TTLL7: variants seen among roughly 807,000 people sequenced by gnomAD.
TTLL7 encodes tubulin polyglutamylase TTLL7.
In TTLL7, 53 loss-of-function variants were observed where a neutral mutation model predicts 120.2. The observed-to-expected ratio is 0.44, with a 90% CI of 0.35 to 0.55. TTLL7 has a LOEUF of 0.55. Among genes scored for constraint, TTLL7 ranks in the 20% least tolerant of loss-of-function variants. TTLL7 has a pLI of 0.00. For missense variants in TTLL7, 803 were observed against 1,054.7 expected, an observed-to-expected ratio of 0.76 and a Z score of 3.31; for synonymous variants, 353 against 351.7, an observed-to-expected ratio of 1.00 and a Z score of -0.04.
rs564236073 is a variant in TTLL7 at position 83,865,435 on chromosome 1, T to C, written c.*4527A>G. The C allele has an allele frequency of 3.3e-5, 5 of 152,148 alleles. No individual in the cohort carries two copies. The highest frequency in any genetic ancestry group is 1.9e-4 in the East Asian group (1 of 5,184). 9.4% of individuals were successfully genotyped at this position (152,148 alleles called of 1,614,324 possible). A position where few individuals can be genotyped will look rare whatever the true frequency, so the allele number is the denominator to read the frequency against. ...AGCCTTATTACTAATTTAGGAACTA[T>C]TGGTCCATTGATTGTACCTGTAGAT... On this transcript the variant is annotated 3_prime_UTR_variant, in exon 21 of 21. Transcript: ENST00000260505.
intron 1 of TTLL7, among the ~76,000 whole-genome samples, chr1:83,957,854 T>C (rs1308424068): frequency 2.0e-5 from 3 of 152,214 alleles, no homozygotes; most frequent in Non-Finnish European, 2.9e-5. Context: ...AGGAACCTAA[T>C]TGTCTTGAGC....
At chr1:83,972,700 G>A (rs1651100094) in intron 1 of TTLL7, among the ~76,000 whole-genome samples, 1 of 152,100 alleles carries the variant, frequency 6.6e-6, no homozygotes, top group Admixed American at 6.6e-5. Flanking sequence ...AGCAATGAAT[G>A]AGAGCTCTTC....
Position 83,867,536 on chromosome 1 carries a change from G to C in TTLL7, c.*2426C>G, listed in dbSNP as rs962599477. On this transcript the variant is annotated 3_prime_UTR_variant, in exon 21 of 21. Transcript: ENST00000260505. ...AATTTACTCAGTTTTTAAATTGTGTGTGTGTGTGTGTGTGTGTTTTCTGTG... is the reference window on the plus strand; with the variant it reads ...AATTTACTCAGTTTTTAAATTGTGTCTGTGTGTGTGTGTGTGTTTTCTGTG... 4 of 151,780 alleles carry C rather than the reference G, an allele frequency of 2.6e-5. No homozygotes were observed. Among genetic ancestry groups the C allele is most frequent in the African/African-American group, 9.7e-5 (4 of 41,370 alleles). The allele number at this position is 151,780 out of a possible 1,614,324, so 9.4% of individuals were successfully genotyped here.
chr1:83,985,258 C>T (rs1178710163), intron 1 of TTLL7, among the ~76,000 whole-genome samples: 1 of 152,172 alleles, frequency 6.6e-6, no homozygotes, highest in Non-Finnish European at 1.5e-5. Context: ...GTGCAAGTCC[C>T]AGAGTCCAAA....
chr1:83,929,329 A>G (rs1659393168), intron 9 of TTLL7, 99 bp from the exon 10 acceptor site: 1 of 793,654 alleles, frequency 1.3e-6, no homozygotes, highest in East Asian at 2.9e-5. Flanking sequence ...ACAACTCTAC[A>G]TTAAACCTCA....
intron 1 of TTLL7, among the ~76,000 whole-genome samples, chr1:83,993,885 A>T (rs1571420892): frequency 6.6e-6 from 1 of 152,262 alleles, no homozygotes; most frequent in East Asian, 1.9e-4. Context: ...AATAGGAAAT[A>T]ACAGAAATAA....
chr1:83,973,479 G>T (rs1651181097), intron 1 of TTLL7, among the ~76,000 whole-genome samples: 1 of 151,960 alleles, frequency 6.6e-6, no homozygotes, highest in Non-Finnish European at 1.5e-5. Context: ...TAGTTTTATA[G>T]TAAGTCTTAA....
intron 20 of TTLL7, among the ~76,000 whole-genome samples, chr1:83,877,036 G>A (rs1285882792): frequency 1.3e-5 from 2 of 151,908 alleles, no homozygotes; most frequent in Admixed American, 6.6e-5. Flanking sequence ...GTTTTTCTTA[G>A]TTATCCTCAT....
chr1:83,976,055 GT>G (rs1651451630), intron 1 of TTLL7, among the ~76,000 whole-genome samples: 1 of 150,654 alleles, frequency 6.6e-6, no homozygotes, highest in African/African-American at 2.5e-5. Context: ...GTGTGTGTGT[GT>G]GTGTGTGTGT....
At chr1:83,932,604 A>G (rs1659693974) in intron 9 of TTLL7, among the ~76,000 whole-genome samples, 1 of 151,944 alleles carries the variant, frequency 6.6e-6, no homozygotes, top group South Asian at 2.1e-4. Flanking sequence ...TTGGCCCTCA[A>G]ATTAGAAAAG....
At chr1:83,938,317 TA>T (rs1647610382) in intron 7 of TTLL7, among the ~76,000 whole-genome samples, 1 of 152,220 alleles carries the variant, frequency 6.6e-6, no homozygotes, top group African/African-American at 2.4e-5. Flanking sequence ...TACATATTGC[TA>T]AGCAAGAAAA....
At chr1:83,978,386 C>T (rs976729244) in intron 1 of TTLL7, among the ~76,000 whole-genome samples, 1 of 152,056 alleles carries the variant, frequency 6.6e-6, no homozygotes, top group African/African-American at 2.4e-5. Flanking sequence ...GGACCCTTAA[C>T]CAGAACCCTA....
At chr1:83,958,240 A>G (rs1038666966) in intron 1 of TTLL7, among the ~76,000 whole-genome samples, 1 of 152,220 alleles carries the variant, frequency 6.6e-6, no homozygotes, top group African/African-American at 2.4e-5. Context: ...GATATAATGA[A>G]CAATGATATT....
rs558256590 is a variant in TTLL7, at chr1:83,892,428, A to G, written c.2209-1947T>C. On this transcript the variant is annotated intron_variant, in intron 18 of 20. Transcript: ENST00000260505. ...AACATATATATGAACATATATATGAACATATATATGAACATATGAATGAAC... is the reference window on the plus strand; with the variant it reads ...AACATATATATGAACATATATATGAGCATATATATGAACATATGAATGAAC... Among the ~76,000 whole-genome samples the G allele has an allele frequency of 9.8e-5, 14 of 142,962 alleles. 1 individual carries two copies. The East Asian group carries it at 2.4e-3, about 25-fold the overall frequency. The allele number at this position is 142,962 out of a possible 152,430, so 93.8% of individuals were successfully genotyped here.
At chr1:83,870,717 C>A (rs930495844) in intron 20 of TTLL7, among the ~76,000 whole-genome samples, 1 of 151,730 alleles carries the variant, frequency 6.6e-6, no homozygotes, top group South Asian at 2.1e-4. Flanking sequence ...TCAAGACCAG[C>A]CTGACCAATG....
At chr1:83,958,624 T>C (rs753368371) in intron 1 of TTLL7, among the ~76,000 whole-genome samples, 3 of 152,242 alleles carry the variant, frequency 2.0e-5, no homozygotes, top group African/African-American at 4.8e-5. Flanking sequence ...TTTCAGCACT[T>C]GGTTCCCAAA....
At chr1:83,917,314 A>G (rs972997130) in intron 14 of TTLL7, among the ~76,000 whole-genome samples, 1 of 152,156 alleles carries the variant, frequency 6.6e-6, no homozygotes, top group African/African-American at 2.4e-5. Context: ...GGTATGAGGC[A>G]AACTTAATAC....
At position 83,895,926 on chromosome 1, in the gene TTLL7, G is replaced by A. The variant is rs542198385; in HGVS notation, c.2209-5445C>T. ...TAGGCACCCCCTCCTTTATGGCCAC[G>A]GAGTAAGGAATAGTTTGTTTAGAAG... On this transcript the variant is annotated intron_variant, in intron 18 of 20. Coordinates refer to ENST00000260505, the MANE Select transcript of TTLL7 (RefSeq NM_024686.6). Among the ~76,000 whole-genome samples, 43 of 152,150 alleles carry A rather than the reference G, an allele frequency of 2.8e-4. No homozygotes were observed. In the South Asian group the frequency reaches 8.1e-3, roughly 29 times the overall value.
At chr1:83,898,892 T>A (rs924943796) in intron 18 of TTLL7, among the ~76,000 whole-genome samples, 19 of 151,708 alleles carry the variant, frequency 1.3e-4, no homozygotes, top group South Asian at 2.1e-4. Flanking sequence ...GTAGAAAAAA[T>A]TTTTTTTAAA....
Sources: gnomAD v4.1 joint callset for allele counts (sites outside exome capture counted in the v4.1 genomes callset) on GRCh38, gnomAD v4.1.1 for gene constraint, MANE v1.5 for transcripts, NCBI Gene and HGNC (gene_info 2026-07-23, HGNC 2026-07-21) for gene names.